KIF16B: variants seen among roughly 807,000 people sequenced by gnomAD.
KIF16B encodes the protein kinesin family member 16B, also known as kinesin-like protein KIF16B.
A neutral mutation model predicts 156.3 loss-of-function variants in KIF16B; 98 were observed. The observed-to-expected ratio is 0.63, with a 90% CI of 0.53 to 0.74. The LOEUF (loss-of-function observed/expected upper bound fraction) is 0.74. KIF16B is among the 30% of genes least tolerant of loss of function. The probability of loss-of-function intolerance (pLI) is 0.00; values close to 1 mark genes in which losing one functional copy is unlikely to be tolerated. For synonymous variants in KIF16B, 564 were observed against 583.7 expected, an observed-to-expected ratio of 0.97 and a Z score of 0.49; for missense variants, 1,421 against 1,606.5, an observed-to-expected ratio of 0.88 and a Z score of 1.97.
chr20:16,334,960 T>C (rs543990618), intron 24 of KIF16B, among the ~76,000 whole-genome samples: 14 of 152,354 alleles, frequency 9.2e-5, no homozygotes, highest in African/African-American at 3.4e-4. Flanking sequence ...GATTCTTCTA[T>C]ACACCAGGGA....
chr20:16,540,038 G>T lies in KIF16B; in HGVS notation c.48-11598C>A, dbSNP rs1390614364. ...CCTTCATTTTAGTGGCAAGACACTT[G>T]ATAGCAAAAATGAAAATAAAAACTA... On this transcript the variant is annotated intron_variant, in intron 1 of 25. Coordinates refer to ENST00000354981, the MANE Select transcript of KIF16B (RefSeq NM_024704.5). Among the ~76,000 whole-genome samples, 6 of 152,262 alleles carry T rather than the reference G, an allele frequency of 3.9e-5. No individual in the cohort carries two copies. In the East Asian group the frequency reaches 1.2e-3, roughly 29 times the overall value.
chr20:16,532,934 A>AG lies in KIF16B; in HGVS notation c.48-4495dup. On this transcript the variant is annotated intron_variant, in intron 1 of 25. Transcript: ENST00000354981. Reference sequence around the variant, plus strand: ...ACACCTTTGGAGCAGCTAAATTTAAAGGGCCCTCCACATGATCATGTATTC... The same window carrying AG: ...ACACCTTTGGAGCAGCTAAATTTAAAGGGGCCCTCCACATGATCATGTATTC... 2.0e-5 allele frequency among the ~76,000 whole-genome samples: 3 copies of AG among 152,310 alleles called. No homozygotes were observed. In the South Asian group the frequency reaches 6.2e-4, roughly 32 times the overall value.
Position 16,273,426 on chromosome 20 carries a change from A to G in KIF16B, c.3796-15T>C. The G allele has an allele frequency of 6.2e-7, 1 of 1,613,708 alleles. No homozygotes were observed. The highest frequency in any genetic ancestry group is 8.5e-7 in the Non-Finnish European group (1 of 1,179,684). On this transcript the variant is annotated splice_polypyrimidine_tract_variant and intron_variant, in intron 25 of 25. Transcript: ENST00000354981. ...CTGAGGTATTTCTGTGGAAGAGACA[A>G]GAGTTAAGAACATGGTCAATTGGGA...
chr20:16,561,262 C>A (rs941601947), intron 1 of KIF16B, among the ~76,000 whole-genome samples: 2 of 152,098 alleles, frequency 1.3e-5, no homozygotes, highest in African/African-American at 4.8e-5. Flanking sequence ...CTGCTGCACT[C>A]CAGCCTGGGC....
chr20:16,391,367 G>A (rs551266672), intron 17 of KIF16B, among the ~76,000 whole-genome samples: 12 of 152,228 alleles, frequency 7.9e-5, no homozygotes, highest in African/African-American at 2.6e-4. Flanking sequence ...TGGTTCACTC[G>A]CCCATAATTC....
intron 12 of KIF16B, among the ~76,000 whole-genome samples, chr20:16,445,066 G>C (rs1260745881): frequency 1.3e-5 from 2 of 152,104 alleles, no homozygotes; most frequent in Non-Finnish European, 2.9e-5. Flanking sequence ...GCCAGGCATG[G>C]TGGCATGCAC....
At chr20:16,332,249 GTATC>G (rs1424183390) in intron 24 of KIF16B, among the ~76,000 whole-genome samples, 1 of 152,098 alleles carries the variant, frequency 6.6e-6, no homozygotes, top group Non-Finnish European at 1.5e-5. Flanking sequence ...CCACTCTTCA[GTATC>G]TGTCTCTGTA....
chr20:16,402,392 G>A (rs187563230), intron 17 of KIF16B, among the ~76,000 whole-genome samples: 22 of 152,240 alleles, frequency 1.4e-4, no homozygotes, highest in East Asian at 5.8e-4. Flanking sequence ...TGGTGCCCCC[G>A]TCCTAGAATC....
chr20:16,292,145 T>A (rs200647767), intron 25 of KIF16B, among the ~76,000 whole-genome samples: 74 of 152,132 alleles, frequency 4.9e-4, no homozygotes, highest in Non-Finnish European at 4.7e-4. Flanking sequence ...TACCTTTTTT[T>A]AAAAAAATGT....
chr20:16,471,072 T>C lies in KIF16B; in HGVS notation c.1302+23219A>G, dbSNP rs528569828. Among the ~76,000 whole-genome samples, 8 of 152,202 alleles carry C rather than the reference T, an allele frequency of 5.3e-5. No homozygotes were observed. In the South Asian group the frequency reaches 1.5e-3, roughly 28 times the overall value. On this transcript the variant is annotated intron_variant, in intron 12 of 25. Coordinates refer to ENST00000354981, the MANE Select transcript of KIF16B (RefSeq NM_024704.5). ...TGGGCAAAAACACATTCTCAAGTTA[T>C]CTCTACTGAACGAGGTTTTGAACAG...
rs1287243144 is a variant in KIF16B, at chr20:16,515,475, TAA to T, written c.348+71_348+72del. 2.1e-5 allele frequency: 17 copies of T among 812,030 alleles called. No homozygotes were observed. The Admixed American group carries it at 2.5e-4, about 12-fold the overall frequency. 50.3% of individuals were successfully genotyped at this position (812,030 alleles called of 1,614,324 possible). A position where few individuals can be genotyped will look rare whatever the true frequency, so the allele number is the denominator to read the frequency against. On this transcript the variant is annotated intron_variant, in intron 4 of 25. Coordinates refer to ENST00000354981, the MANE Select transcript of KIF16B (RefSeq NM_024704.5). ...GAAAAGTTAGTACAGACCAAATAGATAAAAGAGATCATTCTACCAGTCCAGAG... is the reference window on the plus strand; with the variant it reads ...GAAAAGTTAGTACAGACCAAATAGATAAGAGATCATTCTACCAGTCCAGAG...
chr20:16,276,789 A>C (rs2063068087), intron 25 of KIF16B, among the ~76,000 whole-genome samples: 1 of 152,220 alleles, frequency 6.6e-6, no homozygotes, highest in Non-Finnish European at 1.5e-5. Context: ...TCTTCTCTGA[A>C]GCCCCCTATC....
chr20:16,338,492 A>G (rs1382728672), intron 23 of KIF16B, among the ~76,000 whole-genome samples: 2 of 152,042 alleles, frequency 1.3e-5, no homozygotes, highest in African/African-American at 4.8e-5. Flanking sequence ...AATTTCATTA[A>G]TCACCCAGAT....
At chr20:16,372,741 A>G (rs2064852923) in intron 20 of KIF16B, among the ~76,000 whole-genome samples, 1 of 152,238 alleles carries the variant, frequency 6.6e-6, no homozygotes, top group African/African-American at 2.4e-5. Flanking sequence ...CTTGTCTCTC[A>G]GCCTGGAGGG....
chr20:16,356,531 G>A, intron 22 of KIF16B, 79 bp from the exon 23 acceptor site: 1 of 1,507,640 alleles, frequency 6.6e-7, no homozygotes, highest in South Asian at 1.2e-5. Context: ...CGGGTAGGAG[G>A]GAGAAAATGT....
intron 23 of KIF16B, among the ~76,000 whole-genome samples, chr20:16,355,752 A>G (rs2064427565): frequency 6.6e-6 from 1 of 152,242 alleles, no homozygotes; most frequent in Non-Finnish European, 1.5e-5. Context: ...CTCTTCCTGA[A>G]AAGTTGTATA....
chr20:16,347,183 C>T (rs1361129358), intron 23 of KIF16B, among the ~76,000 whole-genome samples: 1 of 152,090 alleles, frequency 6.6e-6, no homozygotes, highest in African/African-American at 2.4e-5. Context: ...ACTGTGACTC[C>T]GTTCTTAAAA....
intron 24 of KIF16B, among the ~76,000 whole-genome samples, chr20:16,332,147 T>C (rs1409944205): frequency 1.3e-5 from 2 of 152,190 alleles, no homozygotes; most frequent in African/African-American, 2.4e-5. Flanking sequence ...TTTTATATTA[T>C]TGTTGGTTTA....
intron 1 of KIF16B, among the ~76,000 whole-genome samples, chr20:16,552,283 T>C (rs754680708): frequency 2.0e-5 from 3 of 152,184 alleles, no homozygotes; most frequent in South Asian, 2.1e-4. Flanking sequence ...GAGAAGGGAA[T>C]TGAGAACAGC....
Sources: gnomAD v4.1 joint callset for allele counts (sites outside exome capture counted in the v4.1 genomes callset) on GRCh38, gnomAD v4.1.1 for gene constraint, MANE v1.5 for transcripts, NCBI Gene and HGNC (gene_info 2026-07-23, HGNC 2026-07-21) for gene names.